The following DOCK3 variants were observed in gnomAD, a reference collection of about 807,000 sequenced individuals.
DOCK3 encodes the protein dedicator of cytokinesis 3.
A neutral mutation model predicts 265.6 loss-of-function variants in DOCK3; 60 were observed. The ratio of observed to expected loss-of-function variants is 0.23; its 90% CI spans 0.18 to 0.28. The LOEUF (loss-of-function observed/expected upper bound fraction) is 0.28. DOCK3 is among the 10% of genes least tolerant of loss of function. The pLI, the probability that DOCK3 is intolerant of heterozygous loss-of-function variation, is 1.00. For synonymous variants in DOCK3, 881 were observed against 938.0 expected (o/e 0.94, Z 1.11); for missense variants, 1,981 against 2,594.3 (o/e 0.76, Z 5.14).
At chr3:51,256,510 A>G (rs572594550) in intron 22 of DOCK3, among the ~76,000 whole-genome samples, 9 of 151,556 alleles carry the variant, frequency 5.9e-5, no homozygotes, top group Admixed American at 2.6e-4. Context: ...ACCTCAGGTG[A>G]TCCGGCTGCC....
intron 5 of DOCK3, among the ~76,000 whole-genome samples, chr3:50,990,481 C>G (rs2078064931): frequency 6.6e-6 from 1 of 152,138 alleles, no homozygotes; most frequent in Non-Finnish European, 1.5e-5. Context: ...ACCCTACAAG[C>G]CAGAAGAGAC....
At chr3:51,273,391 T>A (rs142006734) in intron 24 of DOCK3, among the ~76,000 whole-genome samples, 91 of 152,338 alleles carry the variant, frequency 6.0e-4, no homozygotes, top group African/African-American at 1.6e-3. Flanking sequence ...ATTGAATGCC[T>A]GAGTTGCAGC....
At chr3:50,750,474 C>T (rs1390157174) in intron 1 of DOCK3, among the ~76,000 whole-genome samples, 8 of 151,884 alleles carry the variant, frequency 5.3e-5, no homozygotes, top group South Asian at 2.1e-4. Context: ...GGATTACAGG[C>T]GCCTGCCACC....
intron 1 of DOCK3, among the ~76,000 whole-genome samples, chr3:50,737,192 G>A (rs2038691678): frequency 6.6e-6 from 1 of 152,142 alleles, no homozygotes; most frequent in Admixed American, 6.5e-5. Context: ...CTGTGCAGAA[G>A]CTCTTTAGTT....
At position 51,090,367 on chromosome 3, in the gene DOCK3, G is replaced by A. The variant is rs868705158; in HGVS notation, c.729G>A (p.Arg243=). 1.2e-6 allele frequency: 2 copies of A among 1,606,438 alleles called. No homozygotes were observed. The highest frequency in any genetic ancestry group is 1.7e-6 in the Non-Finnish European group (2 of 1,176,444). The change falls in exon 9 of 53, where the codon AGG becomes AGA. Residue 243 remains arginine (R), a synonymous_variant. Coordinates refer to ENST00000266037, the MANE Select transcript of DOCK3 (RefSeq NM_004947.5). The stretch of plus-strand genomic sequence containing the variant: ...TCTTCTTTTCCTTATATGACATGAG[G>A]GAAGGCAAGCAGATCAGGTGAGAGT... ...TDVFFSLYDM[R]EGKQISERFL... is the part of the protein sequence containing the mutation.
chr3:50,965,641 T>A lies in DOCK3; in HGVS notation c.315+31564T>A, dbSNP rs548251687. 2.0e-4 allele frequency among the ~76,000 whole-genome samples: 30 copies of A among 152,234 alleles called. 1 individual carries two copies. The highest frequency in any genetic ancestry group is 7.2e-4 in the African/African-American group (30 of 41,574). On this transcript the variant is annotated intron_variant, in intron 5 of 52. Transcript: ENST00000266037. ...CTGTAATATATCTATCAAATAAAAC[T>A]AATTTTTAGTTTAACGCTTTCTTAC...
intron 33 of DOCK3, among the ~76,000 whole-genome samples, chr3:51,332,453 G>A (rs1460597480): frequency 6.6e-6 from 1 of 152,230 alleles, no homozygotes; most frequent in Non-Finnish European, 1.5e-5. Flanking sequence ...CCCTGTGACA[G>A]TAGGATGGCC....
chr3:50,681,725 T>G (rs540515097), intron 1 of DOCK3, among the ~76,000 whole-genome samples: 154 of 152,374 alleles, frequency 1.0e-3, no homozygotes, highest in Non-Finnish European at 2.0e-3. Context: ...CCCATTTTCC[T>G]GCTTATCTAC....
At chr3:51,310,453 G>T in intron 28 of DOCK3, 127 bp downstream of exon 28, 1 of 810,492 alleles carries the variant, frequency 1.2e-6, no homozygotes, top group Non-Finnish European at 2.0e-6. Flanking sequence ...ACAGAGAGGA[G>T]AGGGCAAATG....
chr3:51,305,138 TCTGA>T lies in DOCK3; in HGVS notation c.2923-5090_2923-5087del, dbSNP rs773077351. ...CTTTGCTGATCTTCTGTCTAGTTGT[TCTGA>T]CTGTTAGTGGTATATCAAAGTCTTC... On this transcript the variant is annotated intron_variant, in intron 27 of 52. Transcript: ENST00000266037. Among the ~76,000 whole-genome samples the T allele has an allele frequency of 3.3e-5, 5 of 152,362 alleles. No homozygotes were observed. The South Asian group carries it at 1.0e-3, about 32-fold the overall frequency.
intron 14 of DOCK3, 69 bp downstream of exon 14, chr3:51,214,316 C>A (rs2089666125): frequency 1.3e-6 from 2 of 1,583,790 alleles, no homozygotes; most frequent in Non-Finnish European, 1.7e-6. Flanking sequence ...CCCTCCTGAG[C>A]AGGTGGTGAA....
At chr3:50,892,009 TAGAA>T (rs1460435364) in intron 4 of DOCK3, among the ~76,000 whole-genome samples, 1 of 152,090 alleles carries the variant, frequency 6.6e-6, no homozygotes, top group Non-Finnish European at 1.5e-5. Context: ...ATATAAATCT[TAGAA>T]AGCTATTTGG....
At chr3:50,817,085 A>T (rs917490738) in intron 2 of DOCK3, among the ~76,000 whole-genome samples, 2 of 152,218 alleles carry the variant, frequency 1.3e-5, no homozygotes, top group African/African-American at 4.8e-5. Flanking sequence ...TCTTGATGAT[A>T]TGCCAAACAT....
At chr3:51,338,503 T>C in intron 36 of DOCK3, 84 bp downstream of exon 36, 1 of 1,471,436 alleles carries the variant, frequency 6.8e-7, no homozygotes, top group East Asian at 2.5e-5. Context: ...CCTTCTACAA[T>C]ACATGGCTGC....
intron 32 of DOCK3, among the ~76,000 whole-genome samples, chr3:51,320,850 C>A (rs1011233962): frequency 4.6e-5 from 7 of 152,144 alleles, no homozygotes; most frequent in African/African-American, 1.7e-4. Context: ...ATAAAACCCC[C>A]ATCTCCCTGG....
At chr3:50,759,607 G>T (rs924589126) in intron 1 of DOCK3, among the ~76,000 whole-genome samples, 3 of 151,622 alleles carry the variant, frequency 2.0e-5, no homozygotes, top group East Asian at 3.9e-4. Flanking sequence ...GGAAGCCAAG[G>T]CAGGAGGACT....
chr3:51,056,684 G>A (rs1031661136), intron 5 of DOCK3, among the ~76,000 whole-genome samples: 6 of 152,182 alleles, frequency 3.9e-5, no homozygotes, highest in Admixed American at 3.3e-4. Flanking sequence ...CATGAGAAGA[G>A]ACTTGAAGAT....
intron 9 of DOCK3, among the ~76,000 whole-genome samples, chr3:51,122,568 A>G (rs1027468895): frequency 6.6e-6 from 1 of 152,264 alleles, no homozygotes; most frequent in Admixed American, 6.5e-5. Context: ...GCATTGAAAC[A>G]TATTTTTACT....
intron 2 of DOCK3, among the ~76,000 whole-genome samples, chr3:50,782,512 G>A (rs970071116): frequency 9.9e-5 from 15 of 151,100 alleles, no homozygotes; most frequent in African/African-American, 2.9e-4. Flanking sequence ...GGATGGTCTC[G>A]ATCTCCTGAC....
Sources: allele counts gnomAD v4.1 joint callset (sites outside exome capture counted in the v4.1 genomes callset), GRCh38; gene constraint gnomAD v4.1.1; transcripts MANE v1.5; gene names NCBI Gene and HGNC (gene_info 2026-07-23, HGNC 2026-07-21).